The following RAPGEF5 variants were observed in gnomAD, a reference collection of about 807,000 sequenced individuals.
RAPGEF5 encodes the protein Rap guanine nucleotide exchange factor 5.
RAPGEF5 carries 65 observed loss-of-function variants against 125.2 expected under a neutral mutation model. The ratio of observed to expected loss-of-function variants is 0.52; its 90% CI spans 0.43 to 0.64. RAPGEF5 has a LOEUF of 0.64. Ranked by LOEUF, RAPGEF5 falls within the 30% of genes least tolerant of loss-of-function variation. The pLI is 0.00. For synonymous variants in RAPGEF5, 391 were observed against 385.9 expected (o/e 1.01, Z -0.16); for missense variants, 958 against 1,048.1 (o/e 0.91, Z 1.19).
chr7:22,229,316 C>A (rs1786000605), intron 8 of RAPGEF5, among the ~76,000 whole-genome samples: 1 of 152,206 alleles, frequency 6.6e-6, no homozygotes, highest in Non-Finnish European at 1.5e-5. Flanking sequence ...GGCTTAGTAA[C>A]CATCTTAACC....
intron 11 of RAPGEF5, among the ~76,000 whole-genome samples, chr7:22,169,857 G>A: frequency 3.1e-3 from 1 of 324 alleles, no homozygotes; most frequent in Non-Finnish European, 9.1e-3. Context: ...GAGACTCTGT[G>A]TCAAAAAAAA....
chr7:22,200,465 T>G (rs902507824), intron 9 of RAPGEF5, among the ~76,000 whole-genome samples: 2 of 152,200 alleles, frequency 1.3e-5, no homozygotes, highest in African/African-American at 4.8e-5. Context: ...TACACGATAC[T>G]CTGGCAGAAG....
intron 11 of RAPGEF5, among the ~76,000 whole-genome samples, chr7:22,190,009 G>A (rs1027030265): frequency 2.7e-4 from 41 of 152,148 alleles, no homozygotes; most frequent in African/African-American, 9.9e-4. Flanking sequence ...CGGCTAGGCA[G>A]AGTGGCTCAC....
At chr7:22,165,537 A>G (rs1435385380) in intron 12 of RAPGEF5, among the ~76,000 whole-genome samples, 1 of 152,226 alleles carries the variant, frequency 6.6e-6, no homozygotes, top group African/African-American at 2.4e-5. Flanking sequence ...TGCACATATT[A>G]TTGAAACTTT....
At chr7:22,309,197 A>G (rs569375429) in intron 4 of RAPGEF5, among the ~76,000 whole-genome samples, 90 of 152,372 alleles carry the variant, frequency 5.9e-4, no homozygotes, top group African/African-American at 2.1e-3. Context: ...GTATCCTAAT[A>G]ATACCTCCAT....
chr7:22,337,827 C>T (rs1784054022), intron 1 of RAPGEF5, among the ~76,000 whole-genome samples: 1 of 152,210 alleles, frequency 6.6e-6, no homozygotes, highest in Admixed American at 6.5e-5. Context: ...GAGGAAGAGA[C>T]TCTTTTGTTT....
chr7:22,235,882 C>A (rs1448499978), intron 7 of RAPGEF5, among the ~76,000 whole-genome samples: 2 of 152,178 alleles, frequency 1.3e-5, no homozygotes, highest in African/African-American at 2.4e-5. Context: ...CTTCCAAATA[C>A]TCAAATCTTT....
chr7:22,174,541 C>T (rs181113741), intron 11 of RAPGEF5, among the ~76,000 whole-genome samples: 5 of 152,216 alleles, frequency 3.3e-5, no homozygotes, highest in Non-Finnish European at 2.9e-5. Flanking sequence ...CTCACTTTTA[C>T]TGCCTGTGGA....
intron 6 of RAPGEF5, among the ~76,000 whole-genome samples, chr7:22,268,151 CAT>C (rs1782328957): frequency 6.6e-6 from 1 of 152,146 alleles, no homozygotes; most frequent in Admixed American, 6.5e-5. Context: ...TTCAAAAATG[CAT>C]AGTCTTGATT....
At chr7:22,288,679 C>A (rs559566288) in intron 6 of RAPGEF5, among the ~76,000 whole-genome samples, 3 of 152,000 alleles carry the variant, frequency 2.0e-5, no homozygotes, top group African/African-American at 7.2e-5. Context: ...CCCGCCACCA[C>A]GCCCAGCTAA....
chr7:22,217,914 A>C (rs1306822035), intron 9 of RAPGEF5, among the ~76,000 whole-genome samples: 1 of 152,194 alleles, frequency 6.6e-6, no homozygotes, highest in African/African-American at 2.4e-5. Flanking sequence ...TCAATCACTA[A>C]ATTTCTGCCT....
chr7:22,171,788 C>T (rs1014867314), intron 11 of RAPGEF5, among the ~76,000 whole-genome samples: 2 of 152,204 alleles, frequency 1.3e-5, no homozygotes, highest in African/African-American at 4.8e-5. Flanking sequence ...GCATGAGCCA[C>T]GTTGCCAGCC....
chr7:22,244,839 A>C (rs1176372835), intron 7 of RAPGEF5, among the ~76,000 whole-genome samples: 1 of 152,202 alleles, frequency 6.6e-6, no homozygotes, highest in African/African-American at 2.4e-5. Flanking sequence ...TTTTGAATAG[A>C]TACCTGAAGT....
intron 9 of RAPGEF5, among the ~76,000 whole-genome samples, chr7:22,199,464 T>G (rs529259126): frequency 1.4e-5 from 2 of 138,040 alleles, no homozygotes; most frequent in East Asian, 4.4e-4. Flanking sequence ...GCTCAAGAAC[T>G]GGGTAGACAT....
chr7:22,328,579 C>A (rs1397846631), intron 1 of RAPGEF5, among the ~76,000 whole-genome samples: 1 of 152,170 alleles, frequency 6.6e-6, no homozygotes, highest in Non-Finnish European at 1.5e-5. Flanking sequence ...GTATACTATA[C>A]CTACATACAT....
At chr7:22,229,890 A>G (rs1786016781) in intron 8 of RAPGEF5, among the ~76,000 whole-genome samples, 1 of 152,184 alleles carries the variant, frequency 6.6e-6, no homozygotes, top group Non-Finnish European at 1.5e-5. Context: ...TTATCAATCT[A>G]CTGGTTTCAT....
At chr7:22,332,069 G>C (rs1000672959) in intron 1 of RAPGEF5, among the ~76,000 whole-genome samples, 1 of 152,028 alleles carries the variant, frequency 6.6e-6, no homozygotes, top group Non-Finnish European at 1.5e-5. Flanking sequence ...CTGAAAAATG[G>C]TTATGATGAA....
At chr7:22,194,577 T>C in intron 9 of RAPGEF5, 1 of 984,230 alleles carries the variant, frequency 1.0e-6, no homozygotes, top group Non-Finnish European at 1.2e-6. Flanking sequence ...CACTCCATCA[T>C]TCAATTCAAT....
Position 22,145,606 on chromosome 7 carries a change from T to C in RAPGEF5, c.2008-384A>G, listed in dbSNP as rs535845562. Among the ~76,000 whole-genome samples the C allele has an allele frequency of 3.9e-5, 6 of 152,336 alleles. No individual in the cohort carries two copies. The South Asian group carries it at 1.2e-3, about 32-fold the overall frequency. On this transcript the variant is annotated intron_variant, in intron 19 of 25. Coordinates refer to ENST00000665637, the MANE Select transcript of RAPGEF5 (RefSeq NM_012294.5). The stretch of plus-strand genomic sequence containing the variant: ...ATTTGTTAAGGTGCACATCAGACCC[T>C]CACAGGTCTGTTCTCTAAGACAGTG...
Sources: allele counts gnomAD v4.1 joint callset (sites outside exome capture counted in the v4.1 genomes callset), GRCh38; gene constraint gnomAD v4.1.1; transcripts MANE v1.5; gene names NCBI Gene and HGNC (gene_info 2026-07-23, HGNC 2026-07-21).